The following NXPH1 variants were observed in gnomAD, a reference collection of about 807,000 sequenced individuals.
NXPH1 encodes neurexophilin-1.
In NXPH1, 5 loss-of-function variants were observed where a neutral mutation model predicts 23.7. The ratio of observed to expected loss-of-function variants is 0.21; its 90% CI spans 0.11 to 0.44. The LOEUF is 0.44. Ranked by LOEUF, NXPH1 falls within the 20% of genes least tolerant of loss-of-function variation. NXPH1 has a pLI of 0.99. For missense variants in NXPH1, 324 were observed against 321.6 expected, an observed-to-expected ratio of 1.01 and a Z score of -0.06; for synonymous variants, 144 against 122.2, an observed-to-expected ratio of 1.18 and a Z score of -1.18.
intron 2 of NXPH1, among the ~76,000 whole-genome samples, chr7:8,451,659 C>T (rs772581059): frequency 2.6e-5 from 4 of 152,204 alleles, no homozygotes; most frequent in Non-Finnish European, 5.9e-5. Flanking sequence ...TGAGAGAATA[C>T]TTCTCTGTTT....
At chr7:8,679,210 G>A (rs1821012757) in intron 2 of NXPH1, among the ~76,000 whole-genome samples, 1 of 151,976 alleles carries the variant, frequency 6.6e-6, no homozygotes, top group African/African-American at 2.4e-5. Flanking sequence ...GCCTCCCAAA[G>A]TGCTGAGATT....
At chr7:8,486,687 A>G (rs1300508417) in intron 2 of NXPH1, among the ~76,000 whole-genome samples, 1 of 152,138 alleles carries the variant, frequency 6.6e-6, no homozygotes. Context: ...GCTAGTCTAC[A>G]CTTATTTCTA....
At chr7:8,633,123 A>G (rs898279486) in intron 2 of NXPH1, among the ~76,000 whole-genome samples, 4 of 152,238 alleles carry the variant, frequency 2.6e-5, no homozygotes, top group South Asian at 2.1e-4. Flanking sequence ...TAATACAACC[A>G]TAATGTATCA....
At position 8,435,868 on chromosome 7, in the gene NXPH1, G is replaced by C; in HGVS notation, c.54+101G>C. On this transcript the variant is annotated intron_variant, in intron 2 of 2. Coordinates refer to ENST00000405863, the MANE Select transcript of NXPH1 (RefSeq NM_152745.3). This position sits in a 1 kb window ranked among gnomAD's most constrained non-coding sequence, Gnocchi z 5.9. ...AAGGGTTACGCCGCCAGTTCAGTGA[G>C]AGCAGCTTCCTAGCAGCTGTGTTGG... The C allele has an allele frequency of 1.0e-5, 11 of 1,099,628 alleles. No individual in the cohort carries two copies. Among genetic ancestry groups the C allele is most frequent in the Non-Finnish European group, 1.5e-5 (11 of 712,842 alleles). 68.1% of individuals were successfully genotyped at this position (1,099,628 alleles called of 1,614,324 possible). A position where few individuals can be genotyped will look rare whatever the true frequency, so the allele number is the denominator to read the frequency against.
intron 2 of NXPH1, among the ~76,000 whole-genome samples, chr7:8,447,154 A>C (rs191167212): frequency 1.7e-4 from 26 of 152,368 alleles, no homozygotes; most frequent in African/African-American, 6.3e-4. Flanking sequence ...TTGCAGAATG[A>C]TGAGTTGTGA....
chr7:8,692,308 G>T (rs1181908391), intron 2 of NXPH1, among the ~76,000 whole-genome samples: 3 of 152,186 alleles, frequency 2.0e-5, no homozygotes, highest in African/African-American at 7.2e-5. Context: ...AAGCCAGAAA[G>T]GAGGCTTGAA....
chr7:8,604,275 A>G (rs1183147970), intron 2 of NXPH1, among the ~76,000 whole-genome samples: 1 of 152,154 alleles, frequency 6.6e-6, no homozygotes, highest in Admixed American at 6.5e-5. Context: ...AACCCTTTTC[A>G]ATATAGCCTG....
chr7:8,565,986 C>T (rs1176899935), intron 2 of NXPH1, among the ~76,000 whole-genome samples: 4 of 151,748 alleles, frequency 2.6e-5, no homozygotes, highest in Admixed American at 2.6e-4. Context: ...TGACAGTTTC[C>T]CTTGGAAATT....
At chr7:8,438,975 G>A (rs1584154840) in intron 2 of NXPH1, among the ~76,000 whole-genome samples, 1 of 152,264 alleles carries the variant, frequency 6.6e-6, no homozygotes, top group South Asian at 2.1e-4. Flanking sequence ...CACAGGACAA[G>A]CTCCAGCCAT....
At position 8,679,190 on chromosome 7, in the gene NXPH1, G is replaced by A. The variant is rs545049371; in HGVS notation, c.55-71818G>A. On this transcript the variant is annotated intron_variant, in intron 2 of 2. Transcript: ENST00000405863. Reference sequence around the variant, plus strand: ...TCTCAATCTCCTGACCTCGTGATCCGCCCACCTCGGCCTCCCAAAGTGCTG... The same window carrying A: ...TCTCAATCTCCTGACCTCGTGATCCACCCACCTCGGCCTCCCAAAGTGCTG... Among the ~76,000 whole-genome samples the A allele has an allele frequency of 4.6e-5, 7 of 151,832 alleles. No homozygotes were observed. In the South Asian group the frequency reaches 1.2e-3, roughly 27 times the overall value.
At chr7:8,616,490 G>A (rs1819741202) in intron 2 of NXPH1, among the ~76,000 whole-genome samples, 1 of 152,032 alleles carries the variant, frequency 6.6e-6, no homozygotes, top group Non-Finnish European at 1.5e-5. Context: ...GGGATCAGGA[G>A]GTTATGTTTA....
chr7:8,668,373 A>G (rs1245252316), intron 2 of NXPH1, among the ~76,000 whole-genome samples: 1 of 151,778 alleles, frequency 6.6e-6, no homozygotes, highest in Non-Finnish European at 1.5e-5. Context: ...ACCCTTCAGC[A>G]ATCAGCCCAT....
At chr7:8,693,321 G>A (rs1286175069) in intron 2 of NXPH1, among the ~76,000 whole-genome samples, 2 of 152,168 alleles carry the variant, frequency 1.3e-5, no homozygotes, top group African/African-American at 2.4e-5. Context: ...CCTTCTGTGC[G>A]TAAGAGAGGG....
In NXPH1 at chr7:8,715,606, G is replaced by C. The variant is rs184739816; in HGVS notation, c.55-35402G>C. 5.5e-3 allele frequency among the ~76,000 whole-genome samples: 843 copies of C among 152,248 alleles called. 2 individuals are homozygous for C. The highest frequency in any genetic ancestry group is 0.01 in the Middle Eastern group (3 of 294). ...GTTATAAAAAGGCAAAAATGCCAAA[G>C]TTATTGTTTCTTAATTAAAAATAAA... On this transcript the variant is annotated intron_variant, in intron 2 of 2. Coordinates refer to ENST00000405863, the MANE Select transcript of NXPH1 (RefSeq NM_152745.3).
intron 2 of NXPH1, among the ~76,000 whole-genome samples, chr7:8,438,782 A>T (rs10247446): frequency 4.6e-5 from 7 of 152,038 alleles, no homozygotes; most frequent in Non-Finnish European, 1.0e-4. Flanking sequence ...ATGTTTGCAA[A>T]GTATGTTTCT....
At position 8,667,973 on chromosome 7, in the gene NXPH1, G is replaced by A. The variant is rs181477856; in HGVS notation, c.55-83035G>A. 1.3e-4 allele frequency among the ~76,000 whole-genome samples: 16 copies of A among 126,388 alleles called. No individual in the cohort carries two copies. The East Asian group carries it at 2.2e-3, about 17-fold the overall frequency. The allele number at this position is 126,388 out of a possible 152,430, so 82.9% of individuals were successfully genotyped here. A position where few individuals can be genotyped will look rare whatever the true frequency, so the allele number is the denominator to read the frequency against. ...TGCTTTGATAAATTCTGCTGTTGAT[G>A]TTCTCTATTGTATTTTGTTGTTGTT... On this transcript the variant is annotated intron_variant, in intron 2 of 2. Coordinates refer to ENST00000405863, the MANE Select transcript of NXPH1 (RefSeq NM_152745.3).
At chr7:8,614,296 T>TA (rs1819685109) in intron 2 of NXPH1, among the ~76,000 whole-genome samples, 1 of 151,882 alleles carries the variant, frequency 6.6e-6, no homozygotes, top group Non-Finnish European at 1.5e-5. Flanking sequence ...TATTATTGGG[T>TA]AAAAAATGCA....
intron 2 of NXPH1, among the ~76,000 whole-genome samples, chr7:8,556,733 T>G (rs926080242): frequency 2.5e-4 from 38 of 151,744 alleles, no homozygotes; most frequent in African/African-American, 8.7e-4. Flanking sequence ...ATTGTGTTAC[T>G]GATAAAACTA....
intron 2 of NXPH1, among the ~76,000 whole-genome samples, chr7:8,547,924 A>G (rs116152327): frequency 0.011 from 1,725 of 151,604 alleles, 32 homozygotes; most frequent in African/African-American, 0.039. Context: ...TGACTTTGCT[A>G]TCGCGAATAG....
Sources: gnomAD v4.1 joint callset for allele counts (sites outside exome capture counted in the v4.1 genomes callset) on GRCh38, gnomAD v4.1.1 for gene constraint, Gnocchi (gnomAD v3.1) non-coding constraint, MANE v1.5 for transcripts, NCBI Gene and HGNC (gene_info 2026-07-23, HGNC 2026-07-21) for gene names.